WASHC2C: variants seen among roughly 807,000 people sequenced by gnomAD.
WASHC2C encodes Vaccinia Penetration Factor.
WASHC2C carries 73 observed loss-of-function variants against 142.2 expected under a neutral mutation model. The ratio of observed to expected loss-of-function variants is 0.51; its 90% CI spans 0.43 to 0.62. The LOEUF is 0.62. Among genes scored for constraint, WASHC2C ranks in the 20% least tolerant of loss-of-function variants. WASHC2C has a pLI of 0.00. For synonymous variants in WASHC2C, 337 were observed against 565.5 expected, an observed-to-expected ratio of 0.60 and a Z score of 5.73; for missense variants, 969 against 1,531.7, an observed-to-expected ratio of 0.63 and a Z score of 6.13.
At chr10:45,727,163 T>G (rs1416604195), upstream of WASHC2C, 16 of 1,446,898 alleles carry the variant, frequency 1.1e-5, no homozygotes, top group African/African-American at 2.9e-5. Context: ...CCCCTCAGCA[T>G]CGCAGGTCGG....
chr10:45,745,945 A>G (rs2052773008), intron 7 of WASHC2C, among the ~76,000 whole-genome samples: 1 of 104,984 alleles, frequency 9.5e-6, no homozygotes, highest in African/African-American at 3.8e-5. Flanking sequence ...CACAGTCCCC[A>G]GAGTGTGATA....
chr10:45,768,508 G>A (rs2135328588), intron 19 of WASHC2C, among the ~76,000 whole-genome samples: 1 of 152,270 alleles, frequency 6.6e-6, no homozygotes, highest in East Asian at 1.9e-4. Flanking sequence ...ATCTGCTGCT[G>A]GCTTGTGGAC....
In WASHC2C at chr10:45,765,767, C is replaced by T; in HGVS notation, c.1826C>T (p.Ser609Phe). ...GAGAAAGCAAAAGCCTCCGAGCTCT[C>T]CAAAAAGAAAGCATCTGCCCTGTTG... Reference protein sequence around the residue: ...REEKAKASELSKKKASALLFS... With the variant: ...REEKAKASELFKKKASALLFS... The change falls in exon 19 of 31, where the codon TCC (serine) becomes TTC (phenylalanine). Residue 609 changes from serine (S) to phenylalanine (F), a missense_variant. Physicochemically the swap from Ser to Phe is radical, Grantham distance 155 (BLOSUM62 -2). Coordinates refer to ENST00000623400, the MANE Select transcript of WASHC2C (RefSeq NM_001330074.2). The T allele has an allele frequency of 6.2e-7, 1 of 1,611,954 alleles. No homozygotes were observed. The highest frequency in any genetic ancestry group is 8.5e-7 in the Non-Finnish European group (1 of 1,179,858).
intron 20 of WASHC2C, among the ~76,000 whole-genome samples, chr10:45,771,303 T>C (rs1263965495): frequency 2.2e-5 from 3 of 138,830 alleles, no homozygotes; most frequent in Non-Finnish European, 4.5e-5. Context: ...AGGCAGAGGT[T>C]ACAGTGAGCC....
intron 3 of WASHC2C, among the ~76,000 whole-genome samples, chr10:45,736,765 A>G (rs1428100529): frequency 6.6e-6 from 1 of 152,170 alleles, no homozygotes; most frequent in African/African-American, 2.4e-5. Context: ...TTTAAAATAC[A>G]TCTCTTTTCC....
rs1232760043 is a variant in WASHC2C, at chr10:45,727,475, G to C, written c.62G>C (p.Arg21Pro). The C allele has an allele frequency of 6.2e-7, 1 of 1,608,944 alleles. No homozygotes were observed. The highest frequency in any genetic ancestry group is 8.5e-7 in the Non-Finnish European group (1 of 1,178,730). The change falls in exon 2 of 31, where the codon CGG (arginine) becomes CCG (proline). Residue 21 changes from arginine (R) to proline (P), a missense_variant. Transcript: ENST00000623400. ...CCGGCGTCGGAGCCCGTGTGGGAGC[G>C]GCCGTGGTCGGTGGAGGAGATCCGC... ...LVPASEPVWE[R>P]PWSVEEIRRS...
intron 17 of WASHC2C, 114 bp downstream of exon 17, chr10:45,759,515 G>C (rs1385646017): frequency 7.7e-6 from 11 of 1,435,652 alleles, no homozygotes; most frequent in Non-Finnish European, 1.0e-5. Flanking sequence ...AAGTACTCCA[G>C]TTCTTTAAAA....
intron 3 of WASHC2C, among the ~76,000 whole-genome samples, chr10:45,730,182 T>TA (rs1224660806): frequency 2.4e-5 from 3 of 125,270 alleles, no homozygotes; most frequent in Admixed American, 8.3e-5. Context: ...CCGTCTCTAC[T>TA]AAAAAAATAC....
At chr10:45,751,107 C>T (rs2098912269) in intron 10 of WASHC2C, among the ~76,000 whole-genome samples, 1 of 152,012 alleles carries the variant, frequency 6.6e-6, no homozygotes. Context: ...ATGGAAACTC[C>T]AGAGAACCAT....
intron 29 of WASHC2C, among the ~76,000 whole-genome samples, chr10:45,789,746 G>C (rs2058285147): frequency 6.6e-6 from 1 of 152,184 alleles, no homozygotes; most frequent in East Asian, 1.9e-4. Context: ...AGTTTTTACA[G>C]TTTTTTTATT....
At chr10:45,758,273 G>T (rs2054579979) in intron 16 of WASHC2C, among the ~76,000 whole-genome samples, 1 of 152,140 alleles carries the variant, frequency 6.6e-6, no homozygotes, top group South Asian at 2.1e-4. Context: ...GGTTGTTAGG[G>T]TGCCCACCAC....
chr10:45,784,240 ATGTGTG>A (rs1190490955), intron 23 of WASHC2C, among the ~76,000 whole-genome samples: 20 of 109,838 alleles, frequency 1.8e-4, no homozygotes, highest in African/African-American at 6.1e-4. Context: ...ATATATATAT[ATGTGTG>A]TGTGTGTATA....
At chr10:45,752,368 G>A (rs1238874473) in intron 11 of WASHC2C, among the ~76,000 whole-genome samples, 8,503 of 108,440 alleles carry the variant, frequency 0.078, no homozygotes, top group Middle Eastern at 0.16. Flanking sequence ...TGCCACAGAC[G>A]TGGACAGACT....
chr10:45,766,819 T>C (rs2055887565), intron 19 of WASHC2C, among the ~76,000 whole-genome samples: 1 of 152,176 alleles, frequency 6.6e-6, no homozygotes, highest in Non-Finnish European at 1.5e-5. Flanking sequence ...TCCTGAGTAT[T>C]AAACATCTTC....
intron 8 of WASHC2C, among the ~76,000 whole-genome samples, chr10:45,749,825 C>CAAAAAAAAAAA (rs1168283573): frequency 2.2e-4 from 17 of 77,202 alleles, no homozygotes; most frequent in East Asian, 1.2e-3. Context: ...GACTCCATCT[C>CAAAAAAAAAAA]AAAAAAAAAA....
rs2051546082 is a variant in WASHC2C at position 45,738,354 on chromosome 10, C to CTGAG, written c.354+311_354+314dup. Among the ~76,000 whole-genome samples, 4 of 150,024 alleles carry CTGAG rather than the reference C, an allele frequency of 2.7e-5. No individual in the cohort carries two copies. In the South Asian group the frequency reaches 8.6e-4, roughly 32 times the overall value. On this transcript the variant is annotated intron_variant, in intron 4 of 30. Coordinates refer to ENST00000623400, the MANE Select transcript of WASHC2C (RefSeq NM_001330074.2). Reference sequence around the variant, plus strand: ...GAGGTCATTTTTTTCCTGTGGCTTCCTGAGTTACAGATGGACCAGCCTTCT... The same window carrying CTGAG: ...GAGGTCATTTTTTTCCTGTGGCTTCCTGAGTGAGTTACAGATGGACCAGCCTTCT...
At chr10:45,758,520 C>T (rs1334704987) in intron 16 of WASHC2C, among the ~76,000 whole-genome samples, 1 of 152,024 alleles carries the variant, frequency 6.6e-6, no homozygotes, top group Non-Finnish European at 1.5e-5. Flanking sequence ...CTTTCTCTCC[C>T]CCTCCTTCCC....
chr10:45,730,780 T>C (rs1554861945), intron 3 of WASHC2C, among the ~76,000 whole-genome samples: 1 of 151,846 alleles, frequency 6.6e-6, no homozygotes. Flanking sequence ...CCACCACGCC[T>C]GGCTAATTTT....
chr10:45,773,414 G>A (rs1394718375), intron 21 of WASHC2C, 56 bp downstream of exon 21: 15 of 607,070 alleles, frequency 2.5e-5, no homozygotes, highest in Non-Finnish European at 3.9e-5. Context: ...TGCATCAGTA[G>A]TGGTACTTCC....
Sources: gnomAD v4.1 joint callset for allele counts (sites outside exome capture counted in the v4.1 genomes callset) on GRCh38, gnomAD v4.1.1 for gene constraint, MANE v1.5 for transcripts, NCBI Gene and HGNC (gene_info 2026-07-23, HGNC 2026-07-21) for gene names.